The following GABRB2 variants were observed in gnomAD, a reference collection of about 807,000 sequenced individuals.
GABRB2 encodes gamma-aminobutyric acid receptor subunit beta-2.
GABRB2 carries 16 observed loss-of-function variants against 54.7 expected under a neutral mutation model. The ratio of observed to expected loss-of-function variants is 0.29; its 90% CI spans 0.20 to 0.44. The LOEUF is 0.44. GABRB2 is among the 20% of genes least tolerant of loss of function. The pLI is 1.00. For missense variants in GABRB2, 355 were observed against 644.0 expected (o/e 0.55, Z 4.86); for synonymous variants, 244 against 233.8 (o/e 1.04, Z -0.40).
chr5:161,379,678 A>C (rs964552701), intron 5 of GABRB2, among the ~76,000 whole-genome samples: 3 of 152,138 alleles, frequency 2.0e-5, no homozygotes, highest in African/African-American at 7.2e-5. Context: ...CATCCATTAA[A>C]ATAAGTTTTC....
At chr5:161,300,094 T>C (rs1757493104) in intron 9 of GABRB2, among the ~76,000 whole-genome samples, 1 of 152,142 alleles carries the variant, frequency 6.6e-6, no homozygotes, top group Non-Finnish European at 1.5e-5. Context: ...AGGTGTGAGA[T>C]GTGTTGGGAG....
chr5:161,525,221 T>C (rs1309765296), intron 3 of GABRB2, among the ~76,000 whole-genome samples: 1 of 151,298 alleles, frequency 6.6e-6, no homozygotes, highest in East Asian at 1.9e-4. Context: ...CAGATCTGGC[T>C]GACCCCTGAT....
intron 9 of GABRB2, among the ~76,000 whole-genome samples, chr5:161,302,538 G>A (rs1202645037): frequency 6.6e-6 from 1 of 152,056 alleles, no homozygotes; most frequent in Non-Finnish European, 1.5e-5. Context: ...AGGGGAAATG[G>A]GACTATCTGA....
chr5:161,368,149 A>ACACACACACC (rs749548536), intron 5 of GABRB2, among the ~76,000 whole-genome samples: 1 of 148,964 alleles, frequency 6.7e-6, no homozygotes, highest in East Asian at 2.0e-4. Context: ...ACACACACAC[A>ACACACACACC]CTCTTCCACC....
At chr5:161,508,633 A>C (rs187930810) in intron 3 of GABRB2, among the ~76,000 whole-genome samples, 67 of 152,136 alleles carry the variant, frequency 4.4e-4, no homozygotes, top group Non-Finnish European at 7.5e-4. Context: ...AATAAGGAAA[A>C]TAAACTGTCC....
intron 3 of GABRB2, among the ~76,000 whole-genome samples, chr5:161,512,588 T>C (rs1759809283): frequency 6.6e-6 from 1 of 152,058 alleles, no homozygotes; most frequent in Non-Finnish European, 1.5e-5. Context: ...AATATTTAAA[T>C]ATAAGACCTC....
At chr5:161,421,860 A>G (rs1463268614) in intron 4 of GABRB2, among the ~76,000 whole-genome samples, 1 of 152,226 alleles carries the variant, frequency 6.6e-6, no homozygotes, top group Non-Finnish European at 1.5e-5. Context: ...TTTCTATAAC[A>G]TAAAATAAAA....
intron 3 of GABRB2, among the ~76,000 whole-genome samples, chr5:161,541,999 G>C (rs1266339786): frequency 1.8e-4 from 27 of 152,090 alleles, no homozygotes; most frequent in Non-Finnish European, 1.5e-5. Flanking sequence ...CTCATTGTAG[G>C]GCTGTGAATT....
chr5:161,333,127 G>A (rs1376031304), intron 7 of GABRB2, among the ~76,000 whole-genome samples: 1 of 152,120 alleles, frequency 6.6e-6, no homozygotes, highest in Admixed American at 6.5e-5. Flanking sequence ...TTTTAAAAAT[G>A]TCTTCTAAAA....
chr5:161,400,398 C>G (rs775630985), intron 5 of GABRB2, among the ~76,000 whole-genome samples: 3 of 152,078 alleles, frequency 2.0e-5, no homozygotes, highest in Non-Finnish European at 4.4e-5. Flanking sequence ...TTTCCTGAGC[C>G]TAAAAGTAAA....
At chr5:161,420,666 A>T (rs993930665) in intron 4 of GABRB2, among the ~76,000 whole-genome samples, 2 of 152,250 alleles carry the variant, frequency 1.3e-5, no homozygotes, top group Non-Finnish European at 2.9e-5. Flanking sequence ...GGAAGGCTGC[A>T]GAGCGGGTGG....
intron 5 of GABRB2, among the ~76,000 whole-genome samples, chr5:161,383,899 A>G (rs1755545732): frequency 6.6e-6 from 1 of 152,250 alleles, no homozygotes; most frequent in African/African-American, 2.4e-5. Flanking sequence ...TAAAATGTAT[A>G]TATGTGTGTG....
intron 8 of GABRB2, 27 bp downstream of exon 8, chr5:161,330,856 C>T: frequency 1.2e-6 from 2 of 1,613,888 alleles, no homozygotes; most frequent in Middle Eastern, 1.7e-4. Context: ...GTTTAAGAAG[C>T]AAGGAGGGCT....
intron 3 of GABRB2, among the ~76,000 whole-genome samples, chr5:161,476,328 G>A (rs879658008): frequency 2.6e-5 from 4 of 151,846 alleles, no homozygotes; most frequent in Admixed American, 2.0e-4. Context: ...TCAAGGTTTG[G>A]AAGGCTTAGT....
At chr5:161,306,136 G>A (rs1395869381) in intron 9 of GABRB2, among the ~76,000 whole-genome samples, 2 of 152,156 alleles carry the variant, frequency 1.3e-5, no homozygotes, top group Non-Finnish European at 2.9e-5. Flanking sequence ...CGTCAATCTT[G>A]TCTCAAAAAG....
At chr5:161,318,067 CAG>C (rs1353385066) in intron 9 of GABRB2, among the ~76,000 whole-genome samples, 2 of 151,668 alleles carry the variant, frequency 1.3e-5, no homozygotes, top group South Asian at 2.1e-4. Context: ...GATTGGGATT[CAG>C]AGAGTTTTAC....
intron 5 of GABRB2, among the ~76,000 whole-genome samples, chr5:161,341,406 C>T (rs1236727914): frequency 6.6e-6 from 1 of 151,730 alleles, no homozygotes; most frequent in African/African-American, 2.4e-5. Context: ...TCATGGGATT[C>T]CAGAAACTGA....
intron 5 of GABRB2, among the ~76,000 whole-genome samples, chr5:161,339,433 G>A (rs915578379): frequency 1.3e-5 from 2 of 152,034 alleles, no homozygotes; most frequent in African/African-American, 4.8e-5. Context: ...AGATGCCCAA[G>A]AAACCAGTAG....
Position 161,401,857 on chromosome 5 carries a change from T to C in GABRB2, c.541+9118A>G, listed in dbSNP as rs750826088. The stretch of plus-strand genomic sequence containing the variant: ...TCAACTTCTATGCATTCATCTTATA[T>C]ATTAGTGTATTCAGCAGACTTTTCT... On this transcript the variant is annotated intron_variant, in intron 5 of 9. Coordinates refer to ENST00000393959, the MANE Select transcript of GABRB2 (RefSeq NM_001371727.1). Among the ~76,000 whole-genome samples, 7 of 152,278 alleles carry C rather than the reference T, an allele frequency of 4.6e-5. No homozygotes were observed. The South Asian group carries it at 1.4e-3, about 32-fold the overall frequency.
Sources: gnomAD v4.1 joint callset for allele counts (sites outside exome capture counted in the v4.1 genomes callset) on GRCh38, gnomAD v4.1.1 for gene constraint, MANE v1.5 for transcripts, NCBI Gene and HGNC (gene_info 2026-07-23, HGNC 2026-07-21) for gene names.